The following ADAM11 variants were observed in gnomAD, a reference collection of about 807,000 sequenced individuals.
ADAM11 encodes the protein ADAM metallopeptidase domain 11, also known as disintegrin and metalloproteinase domain-containing protein 11.
Under a neutral mutation model 119.1 loss-of-function variants are expected in ADAM11, and 49 were observed. That is an observed-to-expected ratio of 0.41 (90% confidence interval 0.33 to 0.52). The LOEUF is 0.52. Ranked by LOEUF, ADAM11 falls within the 20% of genes least tolerant of loss-of-function variation. The probability of loss-of-function intolerance (pLI) is 0.20; values close to 1 mark genes in which losing one functional copy is unlikely to be tolerated. For missense variants in ADAM11, 777 were observed against 1,047.5 expected, an observed-to-expected ratio of 0.74 and a Z score of 3.56; for synonymous variants, 364 against 408.0, an observed-to-expected ratio of 0.89 and a Z score of 1.30.
rs560831942 is a variant in ADAM11 at position 44,772,677 on chromosome 17, C to A, written c.679-180C>A. 1.3e-5 allele frequency among the ~76,000 whole-genome samples: 2 copies of A among 152,154 alleles called. No individual in the cohort carries two copies. The highest frequency in any genetic ancestry group is 4.8e-5 in the African/African-American group (2 of 41,434). On this transcript the variant is annotated intron_variant, in intron 8 of 26. Coordinates refer to ENST00000200557, the MANE Select transcript of ADAM11 (RefSeq NM_002390.6). This position sits in a 1 kb window ranked among gnomAD's most constrained non-coding sequence, Gnocchi z 4.5. ...TACAGAGGCCCCATCCTGGGCAAAC[C>A]GAGGCTGCCTGCCCTCATTCCAAAG...
In ADAM11 at chr17:44,772,426, C is replaced by T. The variant is rs775850649; in HGVS notation, c.638C>T (p.Ser213Leu). ...PGCLFAVPAQ[S>L]APPNRPRLRR... ...TGCCTGTTTGCTGTGCCTGCCCAGT[C>T]GGCTCCTCCAAACCGGCCGAGGCTG... The change falls in exon 8 of 27, where the codon TCG (serine) becomes TTG (leucine). Residue 213 changes from serine (S) to leucine (L), a missense_variant. By Grantham distance (145) the Ser-to-Leu change is moderately radical (BLOSUM62 -2). Coordinates refer to ENST00000200557, the MANE Select transcript of ADAM11 (RefSeq NM_002390.6). The surrounding 1 kb of genome is among the most constrained non-coding windows in gnomAD (Gnocchi z 4.5). 1.1e-5 allele frequency: 18 copies of T among 1,577,768 alleles called. No homozygotes were observed. The highest frequency in any genetic ancestry group is 6.7e-5 in the African/African-American group (5 of 74,188).
chr17:44,775,153 G>A lies in ADAM11; in HGVS notation c.1221-59G>A. ...CAGTGTACCCCCTCCCCAGCCTTGA[G>A]AGGGGTGAGGGTGGGTTGGAGGGGA... On this transcript the variant is annotated intron_variant, in intron 14 of 26. Transcript: ENST00000200557. The surrounding 1 kb of genome is among the most constrained non-coding windows in gnomAD (Gnocchi z 7.5). The A allele has an allele frequency of 7.0e-7, 1 of 1,422,262 alleles. No individual in the cohort carries two copies. The allele number at this position is 1,422,262 out of a possible 1,614,324, so 88.1% of individuals were successfully genotyped here.
chr17:44,771,499 C>G, intron 4 of ADAM11, 85 bp from the exon 5 acceptor site: 1 of 1,373,750 alleles, frequency 7.3e-7, no homozygotes, highest in Non-Finnish European at 1.0e-6. Context: ...CACAGGGCAG[C>G]TTCAGTGTCC....
In ADAM11 at chr17:44,776,089, C is replaced by G. The variant is rs375480113; in HGVS notation, c.1486-38C>G. 5.0e-6 allele frequency: 8 copies of G among 1,608,040 alleles called. No individual in the cohort carries two copies. The African/African-American group carries it at 1.1e-4, about 22-fold the overall frequency. On this transcript the variant is annotated intron_variant, in intron 17 of 26. Coordinates refer to ENST00000200557, the MANE Select transcript of ADAM11 (RefSeq NM_002390.6). This position sits in a 1 kb window ranked among gnomAD's most constrained non-coding sequence, Gnocchi z 5.2. ...CCTGGGGAGGGCAGGGCCGAGGCAT[C>G]CATCCTGCCTGACTCGAGGAGCGCG...
At position 44,770,003 on chromosome 17, in the gene ADAM11, C is replaced by T. The variant is rs773537546; in HGVS notation, c.336C>T (p.Tyr112=). ...ELNHHLLSSQ[Y]VERHFSREGT... is the part of the protein sequence containing the mutation. ...TCAGCCACCTCCTCTCCTCGCAATA[C>T]GTGGAGCGCCACTTCAGCCGGGAGG... The change falls in exon 4 of 27, where the codon TAC becomes TAT. Residue 112 remains tyrosine (Y), a synonymous_variant. Transcript: ENST00000200557. 15 of 1,614,046 alleles carry T rather than the reference C, an allele frequency of 9.3e-6. No homozygotes were observed. Among genetic ancestry groups the T allele is most frequent in the African/African-American group, 1.3e-5 (1 of 74,946 alleles).
Position 44,781,374 on chromosome 17 carries a change from G to A in ADAM11, c.*1620G>A, listed in dbSNP as rs909515894. ...AGCTGGCACTGCCCACTCAAGGGCT[G>A]AGTGGAGGGGCCCCTCCGGCCAGCT... On this transcript the variant is annotated 3_prime_UTR_variant, in exon 27 of 27. Transcript: ENST00000200557. The A allele has an allele frequency of 2.6e-5, 4 of 152,240 alleles. No homozygotes were observed. Among genetic ancestry groups the A allele is most frequent in the Non-Finnish European group, 5.9e-5 (4 of 68,064 alleles). 9.4% of individuals were successfully genotyped at this position (152,240 alleles called of 1,614,324 possible).
At position 44,777,825 on chromosome 17, in the gene ADAM11, C is replaced by A; in HGVS notation, c.2032C>A (p.Pro678Thr). Reference protein sequence around the residue: ...PASAFNFSTCPGSGERRICSH... With the variant: ...PASAFNFSTCTGSGERRICSH... ...TTCTGCCTTCAACTTCAGCACCTGC[C>A]CCGGCAGTGGGGAGCGCCGGATTTG... Residue 678 changes from proline to threonine, a missense_variant, in exon 23 of 27, where the codon CCC becomes ACC. Coordinates refer to ENST00000200557, the MANE Select transcript of ADAM11 (RefSeq NM_002390.6). The surrounding 1 kb of genome is among the most constrained non-coding windows in gnomAD (Gnocchi z 5.1). The A allele has an allele frequency of 6.2e-7, 1 of 1,613,764 alleles. No homozygotes were observed. Among genetic ancestry groups the A allele is most frequent in the Non-Finnish European group, 8.5e-7 (1 of 1,179,996 alleles).
At chr17:44,769,042 A>C (rs1247488982) in intron 2 of ADAM11, among the ~76,000 whole-genome samples, 1 of 152,248 alleles carries the variant, frequency 6.6e-6, no homozygotes, top group African/African-American at 2.4e-5. Context: ...AAAATTTATC[A>C]GGAAAACTTC....
chr17:44,772,405 T>G lies in ADAM11; in HGVS notation c.617T>G (p.Leu206Arg). 6.3e-7 allele frequency: 1 copy of G among 1,579,248 alleles called. No individual in the cohort carries two copies. Among genetic ancestry groups the G allele is most frequent in the Non-Finnish European group, 8.6e-7 (1 of 1,161,734 alleles). ...CACCTGCCCCTCCCCACAGGCTGCC[T>G]GTTTGCTGTGCCTGCCCAGTCGGCT... ...DPLGCREPGC[L>R]FAVPAQSAPP... Residue 206 changes from leucine to arginine, a missense_variant, in exon 8 of 27, where the codon CTG becomes CGG. This residue lies in a region of ADAM11 where 278 missense variants were observed against 310.1 expected (regional missense o/e 0.90). Coordinates refer to ENST00000200557, the MANE Select transcript of ADAM11 (RefSeq NM_002390.6). The surrounding 1 kb of genome is among the most constrained non-coding windows in gnomAD (Gnocchi z 4.5).
Position 44,780,301 on chromosome 17 carries a change from A to G in ADAM11, c.*547A>G. On this transcript the variant is annotated 3_prime_UTR_variant, in exon 27 of 27. Coordinates refer to ENST00000200557, the MANE Select transcript of ADAM11 (RefSeq NM_002390.6). ...GGCCCGGAGAAACTGAGGTATGGCC[A>G]TGCCCTAGACCCTCCCCAAGGATGA... The G allele has an allele frequency of 2.6e-6, 1 of 392,106 alleles. No homozygotes were observed. The highest frequency in any genetic ancestry group is 4.9e-6 in the Non-Finnish European group (1 of 202,114). The allele number at this position is 392,106 out of a possible 1,614,324, so 24.3% of individuals were successfully genotyped here. A position where few individuals can be genotyped will look rare whatever the true frequency, so the allele number is the denominator to read the frequency against.
In ADAM11 at chr17:44,772,370, G is replaced by C; in HGVS notation, c.611-29G>C. ...AAGGGGGGGTGGGGAGGGGCCGGCT[G>C]TGCCCCCCTCACCTGCCCCTCCCCA... On this transcript the variant is annotated intron_variant, in intron 7 of 26. Transcript: ENST00000200557. This position sits in a 1 kb window ranked among gnomAD's most constrained non-coding sequence, Gnocchi z 4.5. 1.9e-6 allele frequency: 3 copies of C among 1,579,838 alleles called. No individual in the cohort carries two copies. The East Asian group carries it at 6.9e-5, about 36-fold the overall frequency.
intron 2 of ADAM11, 30 bp downstream of exon 2, chr17:44,759,927 G>A (rs749999353): frequency 1.3e-4 from 164 of 1,261,668 alleles, no homozygotes; most frequent in Non-Finnish European, 1.6e-4. Flanking sequence ...GAGGCCAGGG[G>A]CTGAAGCAGG....
intron 1 of ADAM11, 184 bp downstream of exon 1, chr17:44,759,444 C>A: frequency 1.6e-6 from 2 of 1,247,914 alleles, no homozygotes; most frequent in African/African-American, 1.5e-5. Context: ...GCTGGCCGGG[C>A]CCACCGCGTC....
In ADAM11 at chr17:44,772,988, C is replaced by A. The variant is rs1020655092; in HGVS notation, c.754-26C>A. On this transcript the variant is annotated intron_variant, in intron 9 of 26. Coordinates refer to ENST00000200557, the MANE Select transcript of ADAM11 (RefSeq NM_002390.6). This position sits in a 1 kb window ranked among gnomAD's most constrained non-coding sequence, Gnocchi z 4.5. ...CTGGGAGGCCCCTGAGGAGCCTGGCCCTCCTCCCATTCTTCTCTCTCCCAG... is the reference window on the plus strand; with the variant it reads ...CTGGGAGGCCCCTGAGGAGCCTGGCACTCCTCCCATTCTTCTCTCTCCCAG... 3.7e-6 allele frequency: 6 copies of A among 1,613,856 alleles called. No homozygotes were observed. The highest frequency in any genetic ancestry group is 5.1e-6 in the Non-Finnish European group (6 of 1,179,918).
At chr17:44,765,216 AGGTG>A (rs1171363145) in intron 2 of ADAM11, among the ~76,000 whole-genome samples, 5 of 5,502 alleles carry the variant, frequency 9.1e-4, no homozygotes, top group Non-Finnish European at 1.1e-3. Context: ...GGGAGCTGGC[AGGTG>A]GGTGGGTGGG....
At position 44,775,726 on chromosome 17, in the gene ADAM11, G is replaced by A. The variant is rs1425484928; in HGVS notation, c.1485+50G>A. ...GGGCCAGGACGCAGGAGGAGCGATT[G>A]GAGGCCTTCATATAAGGGGTGGGAG... On this transcript the variant is annotated intron_variant, in intron 17 of 26. Coordinates refer to ENST00000200557, the MANE Select transcript of ADAM11 (RefSeq NM_002390.6). The surrounding 1 kb of genome is among the most constrained non-coding windows in gnomAD (Gnocchi z 7.5). 1 of 1,526,982 alleles carries A rather than the reference G, an allele frequency of 6.5e-7. No homozygotes were observed. The highest frequency in any genetic ancestry group is 1.4e-5 in the African/African-American group (1 of 72,948). 94.6% of individuals were successfully genotyped at this position (1,526,982 alleles called of 1,614,324 possible).
Position 44,775,201 on chromosome 17 carries a change from G to T in ADAM11, c.1221-11G>T. 6.2e-7 allele frequency: 1 copy of T among 1,608,612 alleles called. No homozygotes were observed. The highest frequency in any genetic ancestry group is 8.5e-7 in the Non-Finnish European group (1 of 1,175,572). On this transcript the variant is annotated splice_polypyrimidine_tract_variant and intron_variant, in intron 14 of 26. Transcript: ENST00000200557. This position sits in a 1 kb window ranked among gnomAD's most constrained non-coding sequence, Gnocchi z 7.5. ...GGAGCAGCCAGCAGCACCTCCCCTCGCCCTATCCAGGTTCTACCTGCCCCG... is the reference window on the plus strand; with the variant it reads ...GGAGCAGCCAGCAGCACCTCCCCTCTCCCTATCCAGGTTCTACCTGCCCCG...
At position 44,777,161 on chromosome 17, in the gene ADAM11, C is replaced by T. The variant is rs773098777; in HGVS notation, c.1682-5C>T. 3.8e-6 allele frequency: 6 copies of T among 1,595,484 alleles called. No homozygotes were observed. The highest frequency in any genetic ancestry group is 5.1e-6 in the Non-Finnish European group (6 of 1,171,778). The stretch of plus-strand genomic sequence containing the variant: ...GTGGGGTCACTTGGCATCCTCTCCC[C>T]ACAGCGGCTGCTGATCGCTTCTGCT... On this transcript the variant is annotated splice_polypyrimidine_tract_variant and splice_region_variant and intron_variant, in intron 20 of 26. Coordinates refer to ENST00000200557, the MANE Select transcript of ADAM11 (RefSeq NM_002390.6). This position sits in a 1 kb window ranked among gnomAD's most constrained non-coding sequence, Gnocchi z 5.1.
At chr17:44,779,391 G>T in intron 26 of ADAM11, 152 bp downstream of exon 26, 1 of 1,452,570 alleles carries the variant, frequency 6.9e-7, no homozygotes, top group South Asian at 1.5e-5. Flanking sequence ...GTCCCGGCAG[G>T]GGTGGGAGAG....
Sources: gnomAD v4.1 joint callset for allele counts (sites outside exome capture counted in the v4.1 genomes callset) on GRCh38, gnomAD v4.1.1 for gene constraint, gnomAD v4.1.1 regional missense constraint, Gnocchi (gnomAD v3.1) non-coding constraint, MANE v1.5 for transcripts, NCBI Gene and HGNC (gene_info 2026-07-23, HGNC 2026-07-21) for gene names.